The following DNM3 variants were observed in gnomAD, a reference collection of about 807,000 sequenced individuals.
DNM3 encodes dynamin 3.
A neutral mutation model predicts 101.6 loss-of-function variants in DNM3; 47 were observed. That is an observed-to-expected ratio of 0.46 (90% CI 0.37 to 0.59). The LOEUF (loss-of-function observed/expected upper bound fraction) is 0.59, where lower values mean the gene tolerates loss of function less well. Among genes scored for constraint, DNM3 ranks in the 20% least tolerant of loss-of-function variants. The pLI is 0.00. For synonymous variants in DNM3, 385 were observed against 387.9 expected (o/e 0.99, Z 0.09); for missense variants, 849 against 1,085.7 (o/e 0.78, Z 3.06).
chr1:171,880,955 A>G (rs1396221716), intron 1 of DNM3, among the ~76,000 whole-genome samples: 2 of 152,080 alleles, frequency 1.3e-5, no homozygotes, highest in Admixed American at 6.5e-5. Flanking sequence ...TTGAATGGGT[A>G]CATGTGATAG....
chr1:172,407,581 A>G (rs2070987148), intron 20 of DNM3, among the ~76,000 whole-genome samples, 191 bp from the exon 21 acceptor site: 1 of 152,068 alleles, frequency 6.6e-6, no homozygotes, highest in Admixed American at 6.6e-5. Flanking sequence ...ATATGAAAAA[A>G]GACGTAATTT....
intron 14 of DNM3, among the ~76,000 whole-genome samples, chr1:172,155,241 T>G (rs1336568254): frequency 6.6e-6 from 1 of 151,850 alleles, no homozygotes; most frequent in Non-Finnish European, 1.5e-5. Flanking sequence ...TACATACCTA[T>G]GTTTAGGAGT....
intron 10 of DNM3, among the ~76,000 whole-genome samples, chr1:172,056,850 C>T (rs1311245056): frequency 6.6e-6 from 1 of 152,124 alleles, no homozygotes; most frequent in African/African-American, 2.4e-5. Context: ...CGGAGAACGA[C>T]TTTGACGAGC....
At chr1:171,949,306 G>A (rs937355483) in intron 2 of DNM3, among the ~76,000 whole-genome samples, 8 of 152,118 alleles carry the variant, frequency 5.3e-5, no homozygotes, top group South Asian at 2.1e-4. Context: ...TGGGGAGTGT[G>A]GAATTGCAAG....
chr1:172,164,848 A>G (rs139817811), intron 14 of DNM3, among the ~76,000 whole-genome samples: 5 of 152,126 alleles, frequency 3.3e-5, no homozygotes, highest in Non-Finnish European at 7.4e-5. Context: ...CTTTTTCCTA[A>G]GGGCATCAGA....
intron 14 of DNM3, among the ~76,000 whole-genome samples, chr1:172,171,520 G>T (rs16843959): frequency 0.2 from 30,083 of 151,576 alleles, 4,365 homozygotes; most frequent in African/African-American, 0.41. Flanking sequence ...ACAGAAAATA[G>T]GTTAGCTGTG....
intron 11 of DNM3, among the ~76,000 whole-genome samples, chr1:172,081,332 C>T (rs1322286226): frequency 6.6e-6 from 1 of 152,048 alleles, no homozygotes; most frequent in African/African-American, 2.4e-5. Context: ...AAATGCTTTC[C>T]TGAAATGTGT....
intron 2 of DNM3, among the ~76,000 whole-genome samples, chr1:171,978,866 G>C (rs574696127): frequency 4.3e-4 from 66 of 152,154 alleles, no homozygotes; most frequent in Non-Finnish European, 8.2e-4. Context: ...ATATCTATTA[G>C]ACATCTGAGT....
chr1:172,067,973 T>G (rs1457555765), intron 10 of DNM3, among the ~76,000 whole-genome samples: 2 of 152,220 alleles, frequency 1.3e-5, no homozygotes, highest in African/African-American at 4.8e-5. Context: ...CAACCATTTT[T>G]GAGCTGTTTA....
chr1:171,898,867 T>A (rs576049760), intron 1 of DNM3, among the ~76,000 whole-genome samples: 1 of 152,292 alleles, frequency 6.6e-6, no homozygotes, highest in Admixed American at 6.5e-5. Context: ...TTTTTGGATG[T>A]TTATATTATT....
intron 20 of DNM3, among the ~76,000 whole-genome samples, chr1:172,400,427 G>T (rs1363349445): frequency 6.6e-6 from 1 of 151,892 alleles, no homozygotes; most frequent in East Asian, 1.9e-4. Context: ...GAGGGAAGGA[G>T]GGAAGGGGCA....
At chr1:172,152,822 T>C (rs566056662) in intron 14 of DNM3, among the ~76,000 whole-genome samples, 374 of 152,286 alleles carry the variant, frequency 2.5e-3, no homozygotes, top group Non-Finnish European at 3.8e-3. Flanking sequence ...AGAAGGGCCA[T>C]GTTAAAAACG....
rs114594801 is a variant in DNM3, at chr1:172,004,316, A to G, written c.589+15168A>G. On this transcript the variant is annotated intron_variant, in intron 4 of 20. Coordinates refer to ENST00000627582, the MANE Select transcript of DNM3 (RefSeq NM_015569.5). Reference sequence around the variant, plus strand: ...TATGATTTACAGCTGGAACAAGTCCAGGTTATAAATGTCCAGGATGTGGTC... The same window carrying G: ...TATGATTTACAGCTGGAACAAGTCCGGGTTATAAATGTCCAGGATGTGGTC... Among the ~76,000 whole-genome samples, 973 of 152,162 alleles carry G rather than the reference A, an allele frequency of 6.4e-3. 19 individuals carry two copies. Among genetic ancestry groups the G allele is most frequent in the African/African-American group, 0.022 (922 of 41,522 alleles).
chr1:172,166,736 ATT>A (rs11407187), intron 14 of DNM3, among the ~76,000 whole-genome samples: 2 of 151,636 alleles, frequency 1.3e-5, no homozygotes, highest in Admixed American at 1.3e-4. Flanking sequence ...TTTTAATCTC[ATT>A]TTTTTATCAA....
rs2071064918 is a variant in DNM3, at chr1:172,408,950, C to T, written c.*1109C>T. 2.0e-6 allele frequency: 2 copies of T among 985,220 alleles called. No individual in the cohort carries two copies. Among genetic ancestry groups the T allele is most frequent in the Admixed American group, 6.2e-5 (1 of 16,248 alleles). 61.0% of individuals were successfully genotyped at this position (985,220 alleles called of 1,614,324 possible). A position where few individuals can be genotyped will look rare whatever the true frequency, so the allele number is the denominator to read the frequency against. ...GCATGGGATAAGAGCAGAGCTCACA[C>T]TTTTACAGTTGCAGTATTTCAAAGT... On this transcript the variant is annotated 3_prime_UTR_variant, in exon 21 of 21. Coordinates refer to ENST00000627582, the MANE Select transcript of DNM3 (RefSeq NM_015569.5).
At position 172,409,008 on chromosome 1, in the gene DNM3, A is replaced by G. The variant is rs1573787617; in HGVS notation, c.*1167A>G. ...CAGGTCACTCCAGAAAAGGGTATTG[A>G]AACGTTGAAATCTAAAGCAAATTTG... is the stretch of plus-strand genomic sequence containing the variant. On this transcript the variant is annotated 3_prime_UTR_variant, in exon 21 of 21. Coordinates refer to ENST00000627582, the MANE Select transcript of DNM3 (RefSeq NM_015569.5). 1.1e-5 allele frequency: 11 copies of G among 985,376 alleles called. No homozygotes were observed. The African/African-American group carries it at 1.6e-4, about 14-fold the overall frequency. 61.0% of individuals were successfully genotyped at this position (985,376 alleles called of 1,614,324 possible). A position where few individuals can be genotyped will look rare whatever the true frequency, so the allele number is the denominator to read the frequency against.
At chr1:171,889,595 A>C (rs1027141821) in intron 1 of DNM3, among the ~76,000 whole-genome samples, 5 of 152,242 alleles carry the variant, frequency 3.3e-5, no homozygotes, top group Non-Finnish European at 7.3e-5. Context: ...AAGAATTTGC[A>C]TGAAGGTTTA....
chr1:172,135,879 A>G (rs1230990341), intron 14 of DNM3, among the ~76,000 whole-genome samples: 1 of 152,124 alleles, frequency 6.6e-6, no homozygotes, highest in African/African-American at 2.4e-5. Context: ...ATTTGTTTTA[A>G]AAATACATAA....
intron 12 of DNM3, among the ~76,000 whole-genome samples, chr1:172,084,879 T>C (rs1230025117): frequency 6.6e-6 from 1 of 152,148 alleles, no homozygotes; most frequent in Non-Finnish European, 1.5e-5. Context: ...TCAACTTGGA[T>C]GACTTTTTGT....
Sources: gnomAD v4.1 joint callset for allele counts (sites outside exome capture counted in the v4.1 genomes callset) on GRCh38, gnomAD v4.1.1 for gene constraint, MANE v1.5 for transcripts, NCBI Gene and HGNC (gene_info 2026-07-23, HGNC 2026-07-21) for gene names.